Variants in MYL12B observed in about 807,000 individuals in gnomAD.
MYL12B encodes myosin regulatory light chain 12B.
MYL12B carries 3 observed loss-of-function variants against 12.9 expected under a neutral mutation model. The observed-to-expected ratio is 0.23, with a 90% CI of 0.11 to 0.60. MYL12B has a LOEUF of 0.60. MYL12B is among the 20% of genes least tolerant of loss of function. The pLI is 0.89. For missense variants in MYL12B, 120 were observed against 215.4 expected, an observed-to-expected ratio of 0.56 and a Z score of 2.77; for synonymous variants, 57 against 71.9, an observed-to-expected ratio of 0.79 and a Z score of 1.05.
rs1041218375 is a variant in MYL12B, at chr18:3,278,167, C to T, written c.*230C>T. 4 of 387,048 alleles carry T rather than the reference C, an allele frequency of 1.0e-5. No homozygotes were observed. Among genetic ancestry groups the T allele is most frequent in the African/African-American group, 6.3e-5 (3 of 47,770 alleles). The allele number at this position is 387,048 out of a possible 1,614,324, so 24.0% of individuals were successfully genotyped here. ...GAAAAAGATCGCGAATAAAAATCAA[C>T]AAATGTGAAAGCCCAGAAAAATATA... On this transcript the variant is annotated 3_prime_UTR_variant, in exon 4 of 4. Transcript: ENST00000237500.
At chr18:3,275,578 A>G (rs933667201) in intron 2 of MYL12B, among the ~76,000 whole-genome samples, 10 of 152,174 alleles carry the variant, frequency 6.6e-5, no homozygotes, top group African/African-American at 1.9e-4. Flanking sequence ...CCATAAATAT[A>G]TACACCTCTT....
intron 1 of MYL12B, among the ~76,000 whole-genome samples, chr18:3,267,578 G>C (rs1366957486): frequency 6.6e-6 from 1 of 152,038 alleles, no homozygotes; most frequent in African/African-American, 2.4e-5. Context: ...TTGCTTCCTC[G>C]GTTTCAGTTG....
intron 1 of MYL12B, among the ~76,000 whole-genome samples, chr18:3,267,643 CAG>C (rs1307560720): frequency 6.6e-6 from 1 of 152,162 alleles, no homozygotes; most frequent in Non-Finnish European, 1.5e-5. Flanking sequence ...GAGATATTTT[CAG>C]AGAGAGATCT....
chr18:3,270,702 G>A (rs1053391177), intron 1 of MYL12B, among the ~76,000 whole-genome samples: 2 of 152,120 alleles, frequency 1.3e-5, no homozygotes, highest in East Asian at 1.9e-4. Context: ...ACAGTGTCTC[G>A]TTTTGTCACC....
chr18:3,278,230 T>C lies in MYL12B; in HGVS notation c.*293T>C, dbSNP rs987342437. ...GTTTTGCTGGATTTTTACATTTTTATATAATAAAAATGTTATTTTGAAATA... is the reference window on the plus strand; with the variant it reads ...GTTTTGCTGGATTTTTACATTTTTACATAATAAAAATGTTATTTTGAAATA... On this transcript the variant is annotated 3_prime_UTR_variant, in exon 4 of 4. Coordinates refer to ENST00000237500, the MANE Select transcript of MYL12B (RefSeq NM_033546.4). 10 of 238,976 alleles carry C rather than the reference T, an allele frequency of 4.2e-5. No homozygotes were observed. The highest frequency in any genetic ancestry group is 2.3e-4 in the African/African-American group (10 of 43,762). 14.8% of individuals were successfully genotyped at this position (238,976 alleles called of 1,614,324 possible). A position where few individuals can be genotyped will look rare whatever the true frequency, so the allele number is the denominator to read the frequency against.
intron 2 of MYL12B, among the ~76,000 whole-genome samples, chr18:3,273,573 G>C (rs929543959): frequency 2.6e-5 from 4 of 152,028 alleles, no homozygotes; most frequent in Admixed American, 2.6e-4. Flanking sequence ...AGGATTTAAA[G>C]CACACATAAA....
chr18:3,271,336 G>C (rs2081677167), intron 1 of MYL12B, among the ~76,000 whole-genome samples: 1 of 152,164 alleles, frequency 6.6e-6, no homozygotes, highest in Non-Finnish European at 1.5e-5. Flanking sequence ...GTTAGAGTAA[G>C]GACTGTAAGG....
chr18:3,264,411 A>G (rs1345479084), intron 1 of MYL12B, among the ~76,000 whole-genome samples: 1 of 152,232 alleles, frequency 6.6e-6, no homozygotes, highest in Non-Finnish European at 1.5e-5. Context: ...GGCAATAAAA[A>G]GAATGAATAT....
At chr18:3,266,135 A>G (rs1567989271) in intron 1 of MYL12B, among the ~76,000 whole-genome samples, 1 of 152,230 alleles carries the variant, frequency 6.6e-6, no homozygotes, top group Non-Finnish European at 1.5e-5. Flanking sequence ...GGTCAGAGCC[A>G]GAGCAGCTTA....
intron 3 of MYL12B, 100 bp from the exon 4 acceptor site, chr18:3,277,665 A>G: frequency 1.4e-6 from 2 of 1,399,246 alleles, no homozygotes; most frequent in South Asian, 3.0e-5. Context: ...ATAGATATGG[A>G]TATTCTGAAA....
intron 1 of MYL12B, among the ~76,000 whole-genome samples, chr18:3,268,393 TTTG>T (rs149023629): frequency 0.077 from 11,737 of 152,156 alleles, 1,320 homozygotes; most frequent in African/African-American, 0.25. Context: ...TGTGTTTTTG[TTTG>T]TTGTTGTTTT....
At chr18:3,277,547 T>C in intron 3 of MYL12B, 133 bp downstream of exon 3, 1 of 1,403,568 alleles carries the variant, frequency 7.1e-7, no homozygotes, top group Non-Finnish European at 9.5e-7. Flanking sequence ...ATGATCTGTT[T>C]CTGAGCTTTT....
chr18:3,275,704 A>G (rs1432331933), intron 2 of MYL12B, among the ~76,000 whole-genome samples: 2 of 152,062 alleles, frequency 1.3e-5, no homozygotes, highest in Non-Finnish European at 2.9e-5. Context: ...AGCCTAAACC[A>G]ATTCATTTTA....
At chr18:3,275,860 A>G (rs1396484534) in intron 2 of MYL12B, among the ~76,000 whole-genome samples, 6 of 152,202 alleles carry the variant, frequency 3.9e-5, no homozygotes, top group Non-Finnish European at 8.8e-5. Flanking sequence ...TTATTCAGTG[A>G]ATCTTGAGTT....
intron 2 of MYL12B, 41 bp from the exon 3 acceptor site, chr18:3,277,212 A>T (rs1438552802): frequency 1.4e-6 from 2 of 1,475,328 alleles, no homozygotes; most frequent in Non-Finnish European, 1.8e-6. Context: ...ATTGAAATTA[A>T]ATGTTTTTGT....
intron 2 of MYL12B, among the ~76,000 whole-genome samples, chr18:3,273,715 G>A (rs1309478775): frequency 2.0e-5 from 3 of 152,148 alleles, no homozygotes; most frequent in African/African-American, 4.8e-5. Flanking sequence ...GGAACTGCAG[G>A]CAAAGGAGAC....
At chr18:3,270,548 G>A (rs959662453) in intron 1 of MYL12B, among the ~76,000 whole-genome samples, 16 of 152,108 alleles carry the variant, frequency 1.1e-4, no homozygotes, top group African/African-American at 3.6e-4. Context: ...ATCCTTGGGT[G>A]TTTCATTCTG....
intron 1 of MYL12B, among the ~76,000 whole-genome samples, chr18:3,269,453 A>G (rs1301167463): frequency 6.6e-6 from 1 of 152,090 alleles, no homozygotes; most frequent in African/African-American, 2.4e-5. Flanking sequence ...AGGGAGAGGG[A>G]TTGGGGAGGG....
In MYL12B at chr18:3,272,867, T is replaced by G. The variant is rs750438239; in HGVS notation, c.-15-17T>G. 88 of 1,007,714 alleles carry G rather than the reference T, an allele frequency of 8.7e-5. 1 individual carries two copies. In the Middle Eastern group the frequency reaches 1.2e-3, roughly 13 times the overall value. 62.4% of individuals were successfully genotyped at this position (1,007,714 alleles called of 1,614,324 possible). A position where few individuals can be genotyped will look rare whatever the true frequency, so the allele number is the denominator to read the frequency against. ...CATTGTTTTGTTTTACGTTTTTGTG[T>G]TTTTTTTTTAATCCAGAATTAAACA... On this transcript the variant is annotated splice_polypyrimidine_tract_variant and intron_variant, in intron 1 of 3. Coordinates refer to ENST00000237500, the MANE Select transcript of MYL12B (RefSeq NM_033546.4).
Sources: gnomAD v4.1 joint callset for allele counts (sites outside exome capture counted in the v4.1 genomes callset) on GRCh38, gnomAD v4.1.1 for gene constraint, MANE v1.5 for transcripts, NCBI Gene and HGNC (gene_info 2026-07-23, HGNC 2026-07-21) for gene names.